Variants in CEBPZ observed in about 807,000 individuals in gnomAD.
CEBPZ encodes the protein CCAAT enhancer binding protein zeta.
In CEBPZ, 78 loss-of-function variants were observed where a neutral mutation model predicts 104.5. The observed-to-expected ratio is 0.75, with a 90% confidence interval of 0.62 to 0.90. The LOEUF (loss-of-function observed/expected upper bound fraction) is 0.90, where lower values mean the gene tolerates loss of function less well. Among genes scored for constraint, CEBPZ ranks in the 40% least tolerant of loss-of-function variants. The pLI is 0.00. For synonymous variants in CEBPZ, 470 were observed against 427.0 expected (o/e 1.10, Z -1.24); for missense variants, 1,439 against 1,233.5 (o/e 1.17, Z -2.50).
chr2:37,220,517 C>T, intron 4 of CEBPZ, 44 bp from the exon 5 acceptor site: 1 of 1,061,556 alleles, frequency 9.4e-7, no homozygotes, highest in East Asian at 2.6e-5. Flanking sequence ...TGCTTTCTTC[C>T]TAGCCCAAGA....
chr2:37,228,919 T>A lies in CEBPZ; in HGVS notation c.274A>T (p.Asn92Tyr), dbSNP rs749982342. 1 of 1,611,498 alleles carries A rather than the reference T, an allele frequency of 6.2e-7. No homozygotes were observed. Among genetic ancestry groups the A allele is most frequent in the Non-Finnish European group, 8.5e-7 (1 of 1,179,148 alleles). Residue 92 changes from asparagine to tyrosine, a missense_variant, in exon 2 of 16, where the codon AAT becomes TAT. Physicochemically the swap from Asn to Tyr is moderately radical, Grantham distance 143. Transcript: ENST00000234170. Reference sequence around the variant, plus strand: ...GAAGCTTTTGTATACTTCGCCAAATTAAGATTTTGAATAAATGCTTCCAAT... The same window carrying A: ...GAAGCTTTTGTATACTTCGCCAAATAAAGATTTTGAATAAATGCTTCCAAT... ...GELEAFIQNLNLAKYTKASLV... is the reference protein window; with the variant it reads ...GELEAFIQNLYLAKYTKASLV...
In CEBPZ at chr2:37,211,003, A is replaced by G. The variant is rs756798088; in HGVS notation, c.2880T>C (p.Phe960=). ...ATATTAAATGTATTTTCTTACCTTG[A>G]AATGAGCCAGCAAAGTCAAAATCAT... ...GTDDFDFAGS[F]QGPRKKKRNL... is the part of the protein sequence containing the mutation. The change falls in exon 13 of 16, where the codon TTT becomes TTC. Residue 960 remains phenylalanine, a synonymous_variant. Transcript: ENST00000234170. 2 of 1,607,718 alleles carry G rather than the reference A, an allele frequency of 1.2e-6. No individual in the cohort carries two copies. Among genetic ancestry groups the G allele is most frequent in the Non-Finnish European group, 1.7e-6 (2 of 1,176,260 alleles).
At chr2:37,207,033 C>T (rs1261484573) in intron 13 of CEBPZ, among the ~76,000 whole-genome samples, 2 of 152,080 alleles carry the variant, frequency 1.3e-5, no homozygotes, top group Non-Finnish European at 2.9e-5. Context: ...GACTTTAAAG[C>T]AACAACAGTT....
chr2:37,230,529 C>G (rs1424105934), intron 1 of CEBPZ, among the ~76,000 whole-genome samples: 2 of 152,198 alleles, frequency 1.3e-5, no homozygotes, highest in Admixed American at 1.3e-4. Context: ...ATCTGCCTAT[C>G]TCTAACTAAC....
In CEBPZ at chr2:37,212,336, C is replaced by T. The variant is rs1296369774; in HGVS notation, c.2602G>A (p.Gly868Arg). 1.2e-6 allele frequency: 2 copies of T among 1,612,888 alleles called. No homozygotes were observed. Among genetic ancestry groups the T allele is most frequent in the Admixed American group, 1.7e-5 (1 of 59,988 alleles). ...SSGKDDMDFAGNVKKRTKGAK... is the reference protein window; with the variant it reads ...SSGKDDMDFARNVKKRTKGAK... ...AAGGAGAAGATAGAAGTATGTTACC[C>T]AGCAAAATCCATATCATCCTTTCCA... is the stretch of plus-strand genomic sequence containing the variant. The change falls in exon 11 of 16, where the codon GGA becomes AGA. Residue 868 changes from glycine (G) to arginine (R), a missense_variant and splice_region_variant. By Grantham distance (125) the Gly-to-Arg change is moderately radical (BLOSUM62 -2). Coordinates refer to ENST00000234170, the MANE Select transcript of CEBPZ (RefSeq NM_005760.3).
chr2:37,203,015 A>G lies in CEBPZ; in HGVS notation c.2885-7T>C. ...CTTTTCTTTTTTCTTGGCCCTAAAA[A>G]AAATTGTAAGTCTACATTATTCAAT... On this transcript the variant is annotated splice_polypyrimidine_tract_variant and splice_region_variant and intron_variant, in intron 13 of 15. Coordinates refer to ENST00000234170, the MANE Select transcript of CEBPZ (RefSeq NM_005760.3). 1.3e-6 allele frequency: 2 copies of G among 1,528,476 alleles called. No homozygotes were observed. The highest frequency in any genetic ancestry group is 1.8e-6 in the Non-Finnish European group (2 of 1,137,112). 94.7% of individuals were successfully genotyped at this position (1,528,476 alleles called of 1,614,324 possible). A position where few individuals can be genotyped will look rare whatever the true frequency, so the allele number is the denominator to read the frequency against.
intron 13 of CEBPZ, among the ~76,000 whole-genome samples, chr2:37,208,704 T>C (rs1330996133): frequency 2.0e-5 from 3 of 152,028 alleles, no homozygotes; most frequent in Non-Finnish European, 4.4e-5. Flanking sequence ...CAGGGAAAAG[T>C]TGAAAGCATT....
Position 37,211,046 on chromosome 2 carries a change from C to G in CEBPZ, c.2837G>C (p.Ser946Thr). The G allele has an allele frequency of 6.2e-7, 1 of 1,612,228 alleles. No individual in the cohort carries two copies. Among genetic ancestry groups the G allele is most frequent in the Non-Finnish European group, 8.5e-7 (1 of 1,179,468 alleles). The part of the protein sequence containing the change: ...EVHSKVSTKK[S>T]KRKGTDDFDF... ...AAAATCATCTGTACCTTTTCTCTTG[C>G]TTTTCTTAGTACTGACTTTGGAGTG... is the stretch of plus-strand genomic sequence containing the variant. Residue 946 changes from serine (S) to threonine (T), a missense_variant, in exon 13 of 16, where the codon AGC (serine) becomes ACC (threonine). Coordinates refer to ENST00000234170, the MANE Select transcript of CEBPZ (RefSeq NM_005760.3).
At position 37,227,470 on chromosome 2, in the gene CEBPZ, A is replaced by C. The variant is rs898613005; in HGVS notation, c.1649+74T>G. 10 of 1,438,356 alleles carry C rather than the reference A, an allele frequency of 7.0e-6. No homozygotes were observed. In the African/African-American group the frequency reaches 1.0e-4, roughly 14 times the overall value. 89.1% of individuals were successfully genotyped at this position (1,438,356 alleles called of 1,614,324 possible). On this transcript the variant is annotated intron_variant, in intron 2 of 15. Coordinates refer to ENST00000234170, the MANE Select transcript of CEBPZ (RefSeq NM_005760.3). ...ATTTTCTAACTCTTTTTCTTGCCCC[A>C]CAGAGGGCACTGCTTGTGCTGTACT... is the stretch of plus-strand genomic sequence containing the variant.
At chr2:37,211,710 C>G in intron 12 of CEBPZ, 133 bp downstream of exon 12, 1 of 634,438 alleles carries the variant, frequency 1.6e-6, no homozygotes. Context: ...GGAAAAGGTC[C>G]TTTTAAGTTT....
intron 9 of CEBPZ, among the ~76,000 whole-genome samples, chr2:37,214,359 G>C (rs1677816726): frequency 6.6e-6 from 1 of 152,136 alleles, no homozygotes; most frequent in Non-Finnish European, 1.5e-5. Flanking sequence ...ATTAGGTTAT[G>C]ATACTAGTTG....
rs778898751 is a variant in CEBPZ at position 37,202,797 on chromosome 2, G to C, written c.3012C>G (p.Asn1004Lys). 2.6e-6 allele frequency: 4 copies of C among 1,562,288 alleles called. No homozygotes were observed. In the South Asian group the frequency reaches 4.8e-5, roughly 19 times the overall value. The change falls in exon 15 of 16, where the codon AAC becomes AAG. Residue 1004 changes from asparagine (N) to lysine (K), a missense_variant. Physicochemically the swap from Asn to Lys is moderately conservative, Grantham distance 94. Coordinates refer to ENST00000234170, the MANE Select transcript of CEBPZ (RefSeq NM_005760.3). The stretch of plus-strand genomic sequence containing the variant: ...TAAGTTACTTACTTGCATTATCTTT[G>C]TTAGCCATGGCATTCATGCCAATGT... ...FDNIGMNAMA[N>K]KDNASLKQLR...
intron 2 of CEBPZ, among the ~76,000 whole-genome samples, chr2:37,224,918 T>C (rs912394243): frequency 3.3e-5 from 5 of 152,196 alleles, no homozygotes; most frequent in Admixed American, 1.3e-4. Flanking sequence ...TCCTCAGAGA[T>C]GTTAGACTAT....
In CEBPZ at chr2:37,227,566, G is replaced by A; in HGVS notation, c.1627C>T (p.Arg543Ter). The A allele has an allele frequency of 1.9e-6, 3 of 1,611,546 alleles. No homozygotes were observed. The highest frequency in any genetic ancestry group is 1.1e-5 in the South Asian group (1 of 90,642). ...TACCTGTATAATGCTGTGTAATATCGATCCGATATTGTCTGCTGAGAATTC... is the reference window on the plus strand; with the variant it reads ...TACCTGTATAATGCTGTGTAATATCAATCCGATATTGTCTGCTGAGAATTC... The part of the protein sequence containing the change: ...VMNSQQTISD[R>*]YYTALYRKML... Residue 543 changes from arginine to a stop codon, truncating the protein, a stop_gained, in exon 2 of 16, where the codon CGA (arginine) becomes TGA (stop). Transcript: ENST00000234170. LOFTEE classifies it high-confidence loss of function.
chr2:37,215,215 G>A lies in CEBPZ; in HGVS notation c.2381-263C>T, dbSNP rs143339802. 7.5e-3 allele frequency: 2,117 copies of A among 281,326 alleles called. 13 individuals carry two copies. Among genetic ancestry groups the A allele is most frequent in the Non-Finnish European group, 1.0e-2 (1,517 of 151,832 alleles). The allele number at this position is 281,326 out of a possible 1,614,324, so 17.4% of individuals were successfully genotyped here. Reference sequence around the variant, plus strand: ...AGTGCCGTTACAGTGAAACAACAGGGTTCTCTTACTGTTCTTCATTTGCAT... The same window carrying A: ...AGTGCCGTTACAGTGAAACAACAGGATTCTCTTACTGTTCTTCATTTGCAT... On this transcript the variant is annotated intron_variant, in intron 8 of 15. Transcript: ENST00000234170.
rs918073270 is a variant in CEBPZ at position 37,228,473 on chromosome 2, T to C, written c.720A>G (p.Ser240=). The change falls in exon 2 of 16, where the codon TCA becomes TCG. Residue 240 remains serine, a synonymous_variant. Transcript: ENST00000234170. ...ASSTWMKAIV[S]SGTLGDRMAA... is the part of the protein sequence containing the mutation. ...CCATCCTGTCACCTAGTGTCCCCGA[T>C]GACACAATTGCCTTCATCCAGGTAG... 6 of 1,614,106 alleles carry C rather than the reference T, an allele frequency of 3.7e-6. No individual in the cohort carries two copies. Among genetic ancestry groups the C allele is most frequent in the Non-Finnish European group, 5.1e-6 (6 of 1,180,046 alleles).
intron 2 of CEBPZ, 71 bp downstream of exon 2, chr2:37,227,473 G>T: frequency 6.9e-7 from 1 of 1,442,120 alleles, no homozygotes; most frequent in Non-Finnish European, 9.2e-7. Flanking sequence ...TTGCCCCACA[G>T]AGGGCACTGC....
intron 8 of CEBPZ, 172 bp downstream of exon 8, chr2:37,215,968 A>T: frequency 2.4e-6 from 1 of 419,594 alleles, no homozygotes; most frequent in Non-Finnish European, 4.1e-6. Context: ...AAAAAAAAAA[A>T]GGCCCAGTCA....
At chr2:37,219,579 G>A (rs1664715695) in intron 5 of CEBPZ, among the ~76,000 whole-genome samples, 1 of 152,080 alleles carries the variant, frequency 6.6e-6, no homozygotes, top group Non-Finnish European at 1.5e-5. Context: ...TATTACTATG[G>A]AAAGAGCTGT....
Sources: allele counts gnomAD v4.1 joint callset (sites outside exome capture counted in the v4.1 genomes callset), GRCh38; gene constraint gnomAD v4.1.1; transcripts MANE v1.5; gene names NCBI Gene and HGNC (gene_info 2026-07-23, HGNC 2026-07-21).